LRRC4C: variants seen among roughly 807,000 people sequenced by gnomAD.
LRRC4C encodes the protein leucine-rich repeat-containing protein 4C.
LRRC4C carries 5 observed loss-of-function variants against 33.6 expected under a neutral mutation model. The ratio of observed to expected loss-of-function variants is 0.15; its 90% CI spans 0.08 to 0.31. The LOEUF is 0.31. Among genes scored for constraint, LRRC4C ranks in the 10% least tolerant of loss-of-function variants. The pLI is 1.00. For missense variants in LRRC4C, 560 were observed against 796.7 expected (o/e 0.70, Z 3.58); for synonymous variants, 329 against 302.0 (o/e 1.09, Z -0.93).
intron 4 of LRRC4C, among the ~76,000 whole-genome samples, chr11:40,289,399 A>G (rs1452363200): frequency 6.6e-6 from 1 of 152,206 alleles, no homozygotes; most frequent in African/African-American, 2.4e-5. Context: ...AGGGAAATTA[A>G]AAGTATTGTT....
At chr11:40,825,084 T>C (rs1952102012) in intron 2 of LRRC4C, among the ~76,000 whole-genome samples, 1 of 151,932 alleles carries the variant, frequency 6.6e-6, no homozygotes, top group South Asian at 2.1e-4. Context: ...TTAGCTTCAC[T>C]TAATCTTAAT....
intron 1 of LRRC4C, among the ~76,000 whole-genome samples, chr11:41,114,204 A>G (rs1236132295): frequency 6.6e-6 from 1 of 152,048 alleles, no homozygotes; most frequent in East Asian, 1.9e-4. Context: ...TATAAAATCA[A>G]CTATTTCCAA....
At chr11:41,036,297 A>G (rs1402033372) in intron 1 of LRRC4C, among the ~76,000 whole-genome samples, 1 of 152,180 alleles carries the variant, frequency 6.6e-6, no homozygotes, top group Non-Finnish European at 1.5e-5. Flanking sequence ...GCAATGATTA[A>G]AAAGTGTTTT....
At chr11:40,126,500 C>A (rs980543052) in intron 6 of LRRC4C, among the ~76,000 whole-genome samples, 1 of 152,148 alleles carries the variant, frequency 6.6e-6, no homozygotes, top group African/African-American at 2.4e-5. Context: ...TCTTCAAGAA[C>A]TTTCCAATCT....
chr11:40,801,185 T>C (rs1330612839), intron 2 of LRRC4C, among the ~76,000 whole-genome samples: 1 of 152,182 alleles, frequency 6.6e-6, no homozygotes, highest in Non-Finnish European at 1.5e-5. Context: ...CTTATTAAAA[T>C]TACTTATTTA....
rs774879399 is a variant in LRRC4C, at chr11:41,311,865, C to G, written c.-496+147566G>C. Among the ~76,000 whole-genome samples the G allele has an allele frequency of 2.5e-4, 38 of 152,132 alleles. 1 individual carries two copies. The highest frequency in any genetic ancestry group is 2.1e-4 in the Non-Finnish European group (14 of 68,024). ...ACATATAAGCCACCCCTCCATTTCC[C>G]TGTATTGTGACAATCAGTGGAAGTA... On this transcript the variant is annotated intron_variant, in intron 1 of 6. Coordinates refer to ENST00000528697, the MANE Select transcript of LRRC4C (RefSeq NM_001258419.2).
At chr11:40,842,822 C>T (rs1208315694) in intron 2 of LRRC4C, among the ~76,000 whole-genome samples, 4 of 152,052 alleles carry the variant, frequency 2.6e-5, no homozygotes, top group African/African-American at 9.7e-5. Context: ...GTCAGAAATC[C>T]ACCATCTTGT....
intron 5 of LRRC4C, among the ~76,000 whole-genome samples, chr11:40,175,638 CTA>C (rs1032928932): frequency 8.5e-5 from 13 of 152,270 alleles, no homozygotes; most frequent in African/African-American, 3.1e-4. Context: ...TTCAGACACA[CTA>C]TATGCAAAGG....
intron 3 of LRRC4C, among the ~76,000 whole-genome samples, chr11:40,337,520 T>C (rs1054757816): frequency 1.3e-5 from 2 of 152,174 alleles, no homozygotes; most frequent in Admixed American, 6.5e-5. Context: ...CACAAAACCA[T>C]GTATCATAAA....
intron 3 of LRRC4C, among the ~76,000 whole-genome samples, chr11:40,334,516 C>A (rs960704332): frequency 2.6e-5 from 4 of 152,152 alleles, no homozygotes; most frequent in Non-Finnish European, 4.4e-5. Context: ...ATTTTGCTGT[C>A]TACCTTCTAT....
At chr11:40,608,760 C>CA (rs1414811489) in intron 3 of LRRC4C, among the ~76,000 whole-genome samples, 5 of 151,654 alleles carry the variant, frequency 3.3e-5, no homozygotes, top group Admixed American at 1.3e-4. Context: ...AAATGGTAAC[C>CA]AAAAAAATCA....
At chr11:40,253,244 C>T (rs1261462375) in intron 4 of LRRC4C, among the ~76,000 whole-genome samples, 1 of 152,180 alleles carries the variant, frequency 6.6e-6, no homozygotes, top group Non-Finnish European at 1.5e-5. Context: ...AACAGTTTAA[C>T]TCTTTGAAGT....
intron 4 of LRRC4C, among the ~76,000 whole-genome samples, chr11:40,316,906 A>G (rs1945601219): frequency 7.1e-6 from 1 of 140,838 alleles, no homozygotes; most frequent in Non-Finnish European, 1.5e-5. Context: ...TTAAGTTACC[A>G]GGTTTTTTAA....
chr11:40,704,763 CTCAATAAA>C, intron 2 of LRRC4C, among the ~76,000 whole-genome samples: 1 of 152,020 alleles, frequency 6.6e-6, no homozygotes, highest in South Asian at 2.1e-4. Flanking sequence ...ATTGTAAGTG[CTCAATAAA>C]TATTAGCTAT....
intron 1 of LRRC4C, among the ~76,000 whole-genome samples, chr11:41,350,046 G>T (rs1353893181): frequency 6.6e-6 from 1 of 152,034 alleles, no homozygotes; most frequent in Admixed American, 6.5e-5. Flanking sequence ...CATGTCATAA[G>T]TCAGATAGCC....
intron 2 of LRRC4C, among the ~76,000 whole-genome samples, chr11:40,774,162 T>C (rs1343610843): frequency 6.6e-6 from 1 of 152,104 alleles, no homozygotes; most frequent in African/African-American, 2.4e-5. Context: ...GTTTCCTCCA[T>C]TTTGTAGCAT....
chr11:40,871,249 G>A (rs1272709215), intron 2 of LRRC4C, among the ~76,000 whole-genome samples: 1 of 151,974 alleles, frequency 6.6e-6, no homozygotes, highest in Non-Finnish European at 1.5e-5. Context: ...GCCTCCATTT[G>A]CCTTGTGATA....
chr11:40,504,778 T>C (rs1283915265), intron 3 of LRRC4C, among the ~76,000 whole-genome samples: 1 of 152,198 alleles, frequency 6.6e-6, no homozygotes, highest in Non-Finnish European at 1.5e-5. Context: ...ATCAACATTT[T>C]ATGTTTTATT....
chr11:40,984,928 A>T (rs536698295), intron 1 of LRRC4C, among the ~76,000 whole-genome samples: 1 of 33,926 alleles, frequency 2.9e-5, no homozygotes, highest in East Asian at 8.6e-4. Context: ...TTGAGACGCA[A>T]TCTCGCTCTG....
Sources: allele counts gnomAD v4.1 joint callset (sites outside exome capture counted in the v4.1 genomes callset), GRCh38; gene constraint gnomAD v4.1.1; transcripts MANE v1.5; gene names NCBI Gene and HGNC (gene_info 2026-07-23, HGNC 2026-07-21).